CSMD1: variants seen among roughly 807,000 people sequenced by gnomAD.
CSMD1 encodes the protein CUB and Sushi multiple domains 1.
Under a neutral mutation model 417.5 loss-of-function variants are expected in CSMD1, and 213 were observed. The observed-to-expected ratio is 0.51, with a 90% CI of 0.46 to 0.57. The LOEUF is 0.57. Among genes scored for constraint, CSMD1 ranks in the 20% least tolerant of loss-of-function variants. The probability of loss-of-function intolerance (pLI) is 0.00; values close to 1 mark genes in which losing one functional copy is unlikely to be tolerated. For missense variants in CSMD1, 6,923 were observed against 4,529.7 expected, an observed-to-expected ratio of 1.53 and a Z score of -15.17; for synonymous variants, 2,862 against 1,736.8, an observed-to-expected ratio of 1.65 and a Z score of -16.11.
chr8:4,802,796 G>A (rs917401557), intron 1 of CSMD1, among the ~76,000 whole-genome samples: 1 of 152,140 alleles, frequency 6.6e-6, no homozygotes, highest in South Asian at 2.1e-4. Flanking sequence ...GAAAATCCGT[G>A]ACGTCATAGG....
intron 3 of CSMD1, among the ~76,000 whole-genome samples, chr8:4,165,174 G>A (rs4341189): frequency 0.38 from 57,282 of 151,926 alleles, 11,054 homozygotes; most frequent in South Asian, 0.42. Context: ...TGATACCTAC[G>A]CCTAGCCAGT....
rs533135161 is a variant in CSMD1 at position 4,578,098 on chromosome 8, G to T, written c.302+59244C>A. 9.9e-5 allele frequency among the ~76,000 whole-genome samples: 15 copies of T among 152,248 alleles called. No individual in the cohort carries two copies. The South Asian group carries it at 3.1e-3, about 32-fold the overall frequency. On this transcript the variant is annotated intron_variant, in intron 2 of 69. Transcript: ENST00000635120. The stretch of plus-strand genomic sequence containing the variant: ...AGTGCACCCGAGTTAGCTCAGAGCT[G>T]CTTCTAGCAATTTTAATCTATACTC...
At chr8:4,240,039 C>G (rs532080666) in intron 3 of CSMD1, among the ~76,000 whole-genome samples, 43 of 152,282 alleles carry the variant, frequency 2.8e-4, no homozygotes, top group African/African-American at 1.0e-3. Context: ...TATTTCTTGA[C>G]AAGAAAATCA....
At chr8:4,966,451 C>T (rs1053407764) in intron 1 of CSMD1, among the ~76,000 whole-genome samples, 5 of 152,124 alleles carry the variant, frequency 3.3e-5, no homozygotes, top group African/African-American at 9.7e-5. Context: ...CCTTGTTAGG[C>T]TAATATCAAC....
chr8:4,002,361 C>T (rs1208003996), intron 4 of CSMD1, among the ~76,000 whole-genome samples: 1 of 152,114 alleles, frequency 6.6e-6, no homozygotes, highest in Admixed American at 6.6e-5. Flanking sequence ...ATTTTACTTT[C>T]TAAACAGCAA....
chr8:2,983,397 A>G (rs561612220), intron 54 of CSMD1, among the ~76,000 whole-genome samples: 2 of 152,248 alleles, frequency 1.3e-5, no homozygotes, highest in East Asian at 1.9e-4. Flanking sequence ...TGTATTAGCC[A>G]GGATGGTCTC....
chr8:4,187,810 C>G (rs2131201674), intron 3 of CSMD1, among the ~76,000 whole-genome samples: 1 of 151,804 alleles, frequency 6.6e-6, no homozygotes, highest in South Asian at 2.1e-4. Context: ...TATTATTTTC[C>G]AAAATCACAG....
At chr8:3,357,351 C>T (rs11136609) in intron 21 of CSMD1, among the ~76,000 whole-genome samples, 67,858 of 152,048 alleles carry the variant, frequency 0.45, 15,350 homozygotes, top group Admixed American at 0.49. Context: ...TTTGTCTTAA[C>T]ATTTCCACAT....
chr8:4,991,969 G>T (rs940678465), intron 1 of CSMD1, among the ~76,000 whole-genome samples: 1 of 152,116 alleles, frequency 6.6e-6, no homozygotes, highest in Non-Finnish European at 1.5e-5. Context: ...ACGTCCGAGC[G>T]TCCTGGACCC....
chr8:4,552,878 T>A (rs1011074723), intron 2 of CSMD1, among the ~76,000 whole-genome samples: 3 of 152,156 alleles, frequency 2.0e-5, no homozygotes, highest in African/African-American at 4.8e-5. Context: ...AAGCTCTTCT[T>A]TTAAACCTCT....
chr8:4,019,842 C>G (rs1385972187), intron 4 of CSMD1, among the ~76,000 whole-genome samples: 1 of 151,404 alleles, frequency 6.6e-6, no homozygotes, highest in African/African-American at 2.4e-5. Context: ...GTCCTTTTTC[C>G]TGAGCCCCAA....
At chr8:3,547,890 A>C (rs948481567) in intron 10 of CSMD1, among the ~76,000 whole-genome samples, 22 of 152,232 alleles carry the variant, frequency 1.4e-4, no homozygotes, top group African/African-American at 4.8e-4. Context: ...AAGAATAAGA[A>C]GTACTCCTAA....
intron 5 of CSMD1, among the ~76,000 whole-genome samples, chr8:3,839,476 T>TATTATATATTATAATATA (rs1802966813): frequency 5.5e-5 from 3 of 54,656 alleles, no homozygotes; most frequent in Non-Finnish European, 1.2e-4. Context: ...ATTATATAAT[T>TATTATATATTATAATATA]ATATTATATA....
At chr8:4,068,260 TC>T (rs1799361586) in intron 3 of CSMD1, among the ~76,000 whole-genome samples, 1 of 152,100 alleles carries the variant, frequency 6.6e-6, no homozygotes, top group Non-Finnish European at 1.5e-5. Flanking sequence ...AAGGTTGCCC[TC>T]CTCGGAGAGT....
At chr8:3,534,486 C>G (rs17066341) in intron 10 of CSMD1, among the ~76,000 whole-genome samples, 22,848 of 141,692 alleles carry the variant, frequency 0.16, 2,679 homozygotes, top group East Asian at 0.4. Flanking sequence ...TCATGCTCAG[C>G]GATAAGTAGA....
intron 6 of CSMD1, among the ~76,000 whole-genome samples, chr8:3,715,015 A>G (rs1182171095): frequency 6.6e-6 from 1 of 152,176 alleles, no homozygotes; most frequent in East Asian, 1.9e-4. Context: ...ATTGCTTTCA[A>G]AATGTTTAAC....
intron 10 of CSMD1, among the ~76,000 whole-genome samples, chr8:3,562,309 T>C (rs998599076): frequency 2.6e-4 from 40 of 152,224 alleles, no homozygotes; most frequent in African/African-American, 8.7e-4. Context: ...CTAGAAAGAC[T>C]TGGGAACCCT....
At chr8:4,264,403 G>A (rs190234217) in intron 3 of CSMD1, among the ~76,000 whole-genome samples, 4 of 152,196 alleles carry the variant, frequency 2.6e-5, no homozygotes, top group African/African-American at 2.4e-5. Flanking sequence ...ATCCACAGAG[G>A]TTGCACATGT....
intron 3 of CSMD1, among the ~76,000 whole-genome samples, chr8:4,357,204 C>T (rs1367413477): frequency 6.6e-6 from 1 of 152,100 alleles, no homozygotes; most frequent in African/African-American, 2.4e-5. Context: ...TCTTAAGTAG[C>T]TAAGGGTTTT....
Sources: allele counts gnomAD v4.1 joint callset (sites outside exome capture counted in the v4.1 genomes callset), GRCh38; gene constraint gnomAD v4.1.1; transcripts MANE v1.5; gene names NCBI Gene and HGNC (gene_info 2026-07-23, HGNC 2026-07-21).